IARS1: variants seen among roughly 807,000 people sequenced by gnomAD.
IARS1 encodes isoleucyl-tRNA synthetase 1, also known as isoleucine--tRNA ligase, cytoplasmic.
IARS1 carries 124 observed loss-of-function variants against 168.2 expected under a neutral mutation model. The observed-to-expected ratio is 0.74, with a 90% CI of 0.64 to 0.86. IARS1 has a LOEUF of 0.86. Among genes scored for constraint, IARS1 ranks in the 40% least tolerant of loss-of-function variants. IARS1 has a pLI of 0.00. For missense variants in IARS1, 1,452 were observed against 1,515.8 expected (o/e 0.96, Z 0.70); for synonymous variants, 532 against 529.4 (o/e 1.00, Z -0.07).
intron 33 of IARS1, among the ~76,000 whole-genome samples, chr9:92,218,958 C>T (rs993057624): frequency 1.3e-3 from 193 of 152,240 alleles, no homozygotes; most frequent in Middle Eastern, 3.4e-3. Context: ...GAGCCCGCAA[C>T]GCCAAGTCAA....
chr9:92,265,213 A>T, intron 15 of IARS1, 90 bp from the exon 16 acceptor site: 1 of 1,124,576 alleles, frequency 8.9e-7, no homozygotes, highest in Non-Finnish European at 1.3e-6. Flanking sequence ...AAACCCTGAC[A>T]AGATATTATA....
chr9:92,263,445 ACT>A (rs1831823423), intron 16 of IARS1, among the ~76,000 whole-genome samples: 2 of 152,192 alleles, frequency 1.3e-5, no homozygotes, highest in Admixed American at 6.5e-5. Flanking sequence ...TGCAAAATGC[ACT>A]CTCACCCAAA....
chr9:92,269,598 T>C (rs1273350362), intron 13 of IARS1, among the ~76,000 whole-genome samples: 1 of 152,238 alleles, frequency 6.6e-6, no homozygotes, highest in Non-Finnish European at 1.5e-5. Flanking sequence ...AGCCATATTT[T>C]TCCAAGGTCA....
intron 17 of IARS1, among the ~76,000 whole-genome samples, chr9:92,261,283 T>C (rs1423774454): frequency 2.0e-5 from 3 of 151,888 alleles, no homozygotes; most frequent in Admixed American, 6.6e-5. Flanking sequence ...CACTCCAGCC[T>C]GGGTGATAGA....
At chr9:92,250,018 T>G in intron 24 of IARS1, 77 bp from the exon 25 acceptor site, 1 of 945,766 alleles carries the variant, frequency 1.1e-6, no homozygotes, top group Non-Finnish European at 1.7e-6. Flanking sequence ...TATTAAATGT[T>G]TATTTGAATC....
intron 10 of IARS1, among the ~76,000 whole-genome samples, chr9:92,272,077 A>G (rs138752064): frequency 7.9e-5 from 12 of 152,370 alleles, no homozygotes; most frequent in African/African-American, 2.6e-4. Context: ...AAAATTTCCT[A>G]TTTTACAGAT....
intron 20 of IARS1, among the ~76,000 whole-genome samples, chr9:92,255,388 C>G (rs886969463): frequency 6.6e-6 from 1 of 152,176 alleles, no homozygotes; most frequent in Non-Finnish European, 1.5e-5. Flanking sequence ...CTCACTGTGA[C>G]CCAGGGCCTC....
rs1187592698 is a variant in IARS1, at chr9:92,242,259, A to G, written c.3072T>C (p.Ser1024=). ...KAKSEGTYLN[S]VIESHTEFIF... Reference sequence around the variant, plus strand: ...TGAACTCTGTGTGGCTTTCAATAACACTATTCAGATATGTTCCTTCAGACT... The same window carrying G: ...TGAACTCTGTGTGGCTTTCAATAACGCTATTCAGATATGTTCCTTCAGACT... Residue 1024 remains serine, a synonymous_variant, in exon 29 of 34, where the codon AGT becomes AGC. Coordinates refer to ENST00000443024, the MANE Select transcript of IARS1 (RefSeq NM_002161.6). 1 of 1,613,702 alleles carries G rather than the reference A, an allele frequency of 6.2e-7. No homozygotes were observed. The highest frequency in any genetic ancestry group is 1.3e-5 in the African/African-American group (1 of 74,896).
At chr9:92,272,924 T>C (rs1380790424) in intron 10 of IARS1, among the ~76,000 whole-genome samples, 2 of 147,948 alleles carry the variant, frequency 1.4e-5, no homozygotes, top group Non-Finnish European at 3.0e-5. Flanking sequence ...GTTTAAAGAA[T>C]GAATCTTCTA....
At chr9:92,247,713 AAT>A (rs1377125097) in intron 25 of IARS1, among the ~76,000 whole-genome samples, 162 bp from the exon 26 acceptor site, 1 of 152,266 alleles carries the variant, frequency 6.6e-6, no homozygotes, top group Admixed American at 6.5e-5. Context: ...ATACACATGC[AAT>A]AGAGTATTTG....
intron 7 of IARS1, among the ~76,000 whole-genome samples, chr9:92,278,684 A>G (rs965632220): frequency 6.6e-6 from 1 of 152,196 alleles, no homozygotes; most frequent in African/African-American, 2.4e-5. Context: ...TTCTATGTAT[A>G]TACAAACAAA....
rs1837581472 is a variant in IARS1, at chr9:92,210,536, C to CAA, written c.*269_*270dup. 1 of 310,736 alleles carries CAA rather than the reference C, an allele frequency of 3.2e-6. No homozygotes were observed. The highest frequency in any genetic ancestry group is 2.1e-5 in the African/African-American group (1 of 46,992). 19.2% of individuals were successfully genotyped at this position (310,736 alleles called of 1,614,324 possible). ...CTTCTATCTTCTGTACTTAAGAACT[C>CAA]AAGTATAGAAATAAACTGTGGGCTG... On this transcript the variant is annotated 3_prime_UTR_variant, in exon 34 of 34. Transcript: ENST00000443024.
At position 92,280,871 on chromosome 9, in the gene IARS1, A is replaced by C; in HGVS notation, c.620T>G (p.Phe207Cys). 3 of 1,611,208 alleles carry C rather than the reference A, an allele frequency of 1.9e-6. No individual in the cohort carries two copies. The highest frequency in any genetic ancestry group is 2.5e-6 in the Non-Finnish European group (3 of 1,177,816). Residue 207 changes from phenylalanine to cysteine, a missense_variant, in exon 7 of 34, where the codon TTT becomes TGT. Phe to Cys is a radical substitution (Grantham distance 205). Transcript: ENST00000443024. ...NYKDVQDPSV[F>C]VTFPLEEDET... Reference sequence around the variant, plus strand: ...ATCTTCTTCCAAAGGGAAAGTTACAAATACTGAAGGATCTTGAACATCCTG... The same window carrying C: ...ATCTTCTTCCAAAGGGAAAGTTACACATACTGAAGGATCTTGAACATCCTG...
At chr9:92,214,407 T>C (rs1295887726) in intron 33 of IARS1, among the ~76,000 whole-genome samples, 6 of 151,708 alleles carry the variant, frequency 4.0e-5, no homozygotes, top group African/African-American at 1.5e-4. Context: ...ATTACAAAAA[T>C]TGGGGGAGGA....
chr9:92,224,725 T>C (rs1374361911), intron 31 of IARS1, among the ~76,000 whole-genome samples: 8 of 152,052 alleles, frequency 5.3e-5, no homozygotes. Context: ...CCTAGTTACT[T>C]TGGAGGCTGA....
At chr9:92,285,242 T>TCTA (rs1295434215) in intron 6 of IARS1, among the ~76,000 whole-genome samples, 1 of 152,164 alleles carries the variant, frequency 6.6e-6, no homozygotes, top group Non-Finnish European at 1.5e-5. Flanking sequence ...ATCAAACATG[T>TCTA]CTAAACACCT....
chr9:92,275,350 C>A (rs1833633517), intron 9 of IARS1, among the ~76,000 whole-genome samples: 1 of 152,214 alleles, frequency 6.6e-6, no homozygotes, highest in Non-Finnish European at 1.5e-5. Flanking sequence ...CCAAATCACA[C>A]AACCAGCAAT....
At chr9:92,275,173 T>C (rs60752945) in intron 9 of IARS1, among the ~76,000 whole-genome samples, 4,714 of 152,358 alleles carry the variant, frequency 0.031, 262 homozygotes, top group African/African-American at 0.11. Flanking sequence ...CCCTTTGATG[T>C]CCTTCCTTTT....
At chr9:92,276,214 A>G (rs1221088504) in intron 9 of IARS1, among the ~76,000 whole-genome samples, 1 of 152,274 alleles carries the variant, frequency 6.6e-6, no homozygotes, top group Non-Finnish European at 1.5e-5. Context: ...ATCTGAGTTC[A>G]GACCTGAAGG....
Sources: gnomAD v4.1 joint callset for allele counts (sites outside exome capture counted in the v4.1 genomes callset) on GRCh38, gnomAD v4.1.1 for gene constraint, MANE v1.5 for transcripts, NCBI Gene and HGNC (gene_info 2026-07-23, HGNC 2026-07-21) for gene names.